Variants in CCR6 observed in about 807,000 individuals in gnomAD.
CCR6 encodes C-C chemokine receptor type 6.
CCR6 carries 2 observed loss-of-function variants against 3.0 expected under a neutral mutation model. The observed-to-expected ratio is 0.66, with a 90% CI of 0.27 to 2.07. The LOEUF (loss-of-function observed/expected upper bound fraction) is 2.07. Ranked by LOEUF, CCR6 falls within the 30% of genes most tolerant of loss-of-function variation. The pLI is 0.14. For synonymous variants in CCR6, 193 were observed against 184.3 expected, an observed-to-expected ratio of 1.05 and a Z score of -0.38; for missense variants, 322 against 462.8, an observed-to-expected ratio of 0.70 and a Z score of 2.79.
At position 167,136,825 on chromosome 6, in the gene CCR6, C is replaced by T. The variant is rs1781857178; in HGVS notation, c.595C>T (p.Pro199Ser). ...CACCCAAGGCAGCGATGTCTGTGAA[C>T]CCAAGTACCAGACTGTCTCGGAGCC... ...YNTQGSDVCE[P>S]KYQTVSEPIR... The change falls in exon 3 of 3, where the codon CCC becomes TCC. Residue 199 changes from proline to serine, a missense_variant. By Grantham distance (74) the Pro-to-Ser change is moderately conservative. Coordinates refer to ENST00000341935, the MANE Select transcript of CCR6 (RefSeq NM_031409.4). This position sits in a 1 kb window ranked among gnomAD's most constrained non-coding sequence, Gnocchi z 4.6. The T allele has an allele frequency of 1.2e-6, 2 of 1,614,000 alleles. No individual in the cohort carries two copies. Among genetic ancestry groups the T allele is most frequent in the Non-Finnish European group, 1.7e-6 (2 of 1,180,024 alleles).
Position 167,134,022 on chromosome 6 carries a change from G to C in CCR6, c.-97-2016G>C, listed in dbSNP as rs542045743. ...ATTGGTGTATTTTATTTTACATATT[G>C]TATATTTCACCTCCCATGCCCTCCA... On this transcript the variant is annotated intron_variant, in intron 1 of 2. Coordinates refer to ENST00000341935, the MANE Select transcript of CCR6 (RefSeq NM_031409.4). Among the ~76,000 whole-genome samples the C allele has an allele frequency of 2.1e-5, 3 of 141,536 alleles. No individual in the cohort carries two copies. The East Asian group carries it at 6.3e-4, about 30-fold the overall frequency. The allele number at this position is 141,536 out of a possible 152,430, so 92.9% of individuals were successfully genotyped here.
intron 1 of CCR6, among the ~76,000 whole-genome samples, chr6:167,114,652 G>A (rs949828453): frequency 1.3e-5 from 2 of 152,230 alleles, no homozygotes; most frequent in Non-Finnish European, 2.9e-5. Flanking sequence ...TGTGACGGCT[G>A]CTGTAACCAG....
At chr6:167,117,403 CTTTTTTTTTTTCTT>C (rs1416155032) in intron 1 of CCR6, among the ~76,000 whole-genome samples, 230 of 105,014 alleles carry the variant, frequency 2.2e-3, no homozygotes, top group African/African-American at 7.1e-3. Context: ...ACTCTATTTT[CTTTTTTTTTTTCTT>C]TTTTTTTTTT....
chr6:167,119,002 G>A (rs532884412), upstream of CCR6, among the ~76,000 whole-genome samples: 304 of 152,156 alleles, frequency 2.0e-3, 1 homozygote, highest in African/African-American at 7.0e-3. Flanking sequence ...GTCCCTCCAC[G>A]GCCCACAGAC....
At chr6:167,129,870 G>C (rs1225286214) in intron 1 of CCR6, among the ~76,000 whole-genome samples, 1 of 151,586 alleles carries the variant, frequency 6.6e-6, no homozygotes, top group African/African-American at 2.4e-5. Context: ...CACTTTACTT[G>C]AGGCAGCTGA....
At position 167,130,978 on chromosome 6, in the gene CCR6, C is replaced by T. The variant is rs1194747244; in HGVS notation, c.-97-5060C>T. ...CCGGGACTCCTCCCTCTGGGACCACCCTCCCTCTGGACCCCCTCCCTTTGG... is the reference window on the plus strand; with the variant it reads ...CCGGGACTCCTCCCTCTGGGACCACTCTCCCTCTGGACCCCCTCCCTTTGG... On this transcript the variant is annotated intron_variant, in intron 1 of 2. Coordinates refer to ENST00000341935, the MANE Select transcript of CCR6 (RefSeq NM_031409.4). Among the ~76,000 whole-genome samples the T allele has an allele frequency of 5.9e-4, 76 of 129,092 alleles. 2 individuals are homozygous for T. Among genetic ancestry groups the T allele is most frequent in the African/African-American group, 2.2e-3 (72 of 32,236 alleles). 84.7% of individuals were successfully genotyped at this position (129,092 alleles called of 152,430 possible).
intron 1 of CCR6, among the ~76,000 whole-genome samples, chr6:167,132,513 CTCTGTGTGTGTG>C (rs1361303322): frequency 6.6e-6 from 1 of 151,956 alleles, no homozygotes; most frequent in Admixed American, 6.6e-5. Context: ...CCAGTGGGAT[CTCTGTGTGTGTG>C]TCTGTGTGTG....
chr6:167,114,220 G>A (rs559797878), intron 1 of CCR6, among the ~76,000 whole-genome samples: 12 of 152,324 alleles, frequency 7.9e-5, no homozygotes, highest in Admixed American at 2.0e-4. Flanking sequence ...TCATGAGGAC[G>A]TCATCCTCCC....
At chr6:167,117,478 A>ACGATCT (rs1781516749) in intron 1 of CCR6, among the ~76,000 whole-genome samples, 1 of 131,648 alleles carries the variant, frequency 7.6e-6, no homozygotes, top group Admixed American at 9.1e-5. Flanking sequence ...GCGCAGTGGC[A>ACGATCT]CGATCTCGAC....
chr6:167,134,738 C>T (rs1282035725), intron 1 of CCR6, among the ~76,000 whole-genome samples: 4 of 152,134 alleles, frequency 2.6e-5, no homozygotes, highest in East Asian at 1.9e-4. Context: ...GCCAGGCCCA[C>T]GTGGTGCGAG....
chr6:167,115,875 C>T (rs1349634969), intron 1 of CCR6: 1 of 152,198 alleles, frequency 6.6e-6, no homozygotes, highest in East Asian at 1.9e-4. Flanking sequence ...GTCAGTTTCT[C>T]ACTTTTATTG....
chr6:167,138,304 AAT>A lies in CCR6; in HGVS notation c.*951_*952del, dbSNP rs1349867005. ...TGTTTTTAATTTTTTAAATAAATGG[AAT>A]ACTTTTTTTTTTTTTTTAAAGAAAG... On this transcript the variant is annotated 3_prime_UTR_variant, in exon 3 of 3. Coordinates refer to ENST00000341935, the MANE Select transcript of CCR6 (RefSeq NM_031409.4). 1 of 112,152 alleles carries A rather than the reference AAT, an allele frequency of 8.9e-6. No individual in the cohort carries two copies. The highest frequency in any genetic ancestry group is 1.8e-5 in the Non-Finnish European group (1 of 54,850). The allele number at this position is 112,152 out of a possible 1,614,324, so 6.9% of individuals were successfully genotyped here.
Position 167,136,202 on chromosome 6 carries a change from C to T in CCR6, c.10-38C>T. On this transcript the variant is annotated intron_variant, in intron 2 of 2. Transcript: ENST00000341935. This position sits in a 1 kb window ranked among gnomAD's most constrained non-coding sequence, Gnocchi z 4.6. Reference sequence around the variant, plus strand: ...TGGGTTCACTGTGGCTACTTGAACACTACACTGCAGCTAACTCTATCTTTG... The same window carrying T: ...TGGGTTCACTGTGGCTACTTGAACATTACACTGCAGCTAACTCTATCTTTG... 1.2e-6 allele frequency: 2 copies of T among 1,611,018 alleles called. No individual in the cohort carries two copies. The highest frequency in any genetic ancestry group is 3.4e-5 in the Admixed American group (2 of 59,628).
intron 1 of CCR6, among the ~76,000 whole-genome samples, chr6:167,117,617 G>A (rs527955549): frequency 2.0e-4 from 30 of 151,322 alleles, no homozygotes; most frequent in African/African-American, 6.3e-4. Context: ...GGGTTTCACC[G>A]TGTCAGCCAG....
At position 167,115,939 on chromosome 6, in the gene CCR6, A is replaced by C. The variant is rs1781486131; in HGVS notation, c.-98+3925A>C. 2.6e-5 allele frequency: 4 copies of C among 152,298 alleles called. No individual in the cohort carries two copies. The South Asian group carries it at 8.3e-4, about 32-fold the overall frequency. 9.4% of individuals were successfully genotyped at this position (152,298 alleles called of 1,614,324 possible). ...CTATAATGTCATGGTCAGGGTTGGA[A>C]GTTTAAATTTGAGACCTCAAAGAAG... On this transcript the variant is annotated intron_variant, in intron 1 of 2. Transcript: ENST00000400926.
Position 167,137,201 on chromosome 6 carries a change from G to C in CCR6, c.971G>C (p.Arg324Thr). 1 of 1,614,232 alleles carries C rather than the reference G, an allele frequency of 6.2e-7. No homozygotes were observed. Among genetic ancestry groups the C allele is most frequent in the South Asian group, 1.1e-5 (1 of 91,088 alleles). The part of the protein sequence containing the change: ...VLYAFIGQKF[R>T]NYFLKILKDL... Reference sequence around the variant, plus strand: ...TACGCTTTTATTGGGCAGAAGTTCAGAAACTACTTTCTGAAGATCTTGAAG... The same window carrying C: ...TACGCTTTTATTGGGCAGAAGTTCACAAACTACTTTCTGAAGATCTTGAAG... Residue 324 changes from arginine to threonine, a missense_variant, in exon 3 of 3, where the codon AGA becomes ACA. Coordinates refer to ENST00000341935, the MANE Select transcript of CCR6 (RefSeq NM_031409.4). This position sits in a 1 kb window ranked among gnomAD's most constrained non-coding sequence, Gnocchi z 4.6.
At position 167,136,479 on chromosome 6, in the gene CCR6, C is replaced by T; in HGVS notation, c.249C>T (p.Val83=). The change falls in exon 3 of 3, where the codon GTC becomes GTT. Residue 83 remains valine, a synonymous_variant. Coordinates refer to ENST00000341935, the MANE Select transcript of CCR6 (RefSeq NM_031409.4). This position sits in a 1 kb window ranked among gnomAD's most constrained non-coding sequence, Gnocchi z 4.6. ...FYKKARSMTD[V]YLLNMAIADI... ...AGAAGGCCAGGTCTATGACAGACGTCTATCTCTTGAACATGGCCATTGCAG... is the reference window on the plus strand; with the variant it reads ...AGAAGGCCAGGTCTATGACAGACGTTTATCTCTTGAACATGGCCATTGCAG... 6.3e-7 allele frequency: 1 copy of T among 1,598,206 alleles called. No homozygotes were observed. Among genetic ancestry groups the T allele is most frequent in the Non-Finnish European group, 8.5e-7 (1 of 1,171,936 alleles).
chr6:167,130,685 A>G (rs1232346858), intron 1 of CCR6, among the ~76,000 whole-genome samples: 4 of 151,880 alleles, frequency 2.6e-5, no homozygotes, highest in Admixed American at 1.3e-4. Flanking sequence ...AGTGACATTA[A>G]ATTTGTCATT....
At position 167,136,635 on chromosome 6, in the gene CCR6, C is replaced by G. The variant is rs934610897; in HGVS notation, c.405C>G (p.Leu135=). 1 of 1,613,908 alleles carries G rather than the reference C, an allele frequency of 6.2e-7. No individual in the cohort carries two copies. The highest frequency in any genetic ancestry group is 8.5e-7 in the Non-Finnish European group (1 of 1,180,004). The change falls in exon 3 of 3, where the codon CTC becomes CTG. Residue 135 remains leucine, a synonymous_variant. Transcript: ENST00000341935. This position sits in a 1 kb window ranked among gnomAD's most constrained non-coding sequence, Gnocchi z 4.6. ...TCAACTTTAACTGCGGGATGCTGCT[C>G]CTGACTTGCATTAGCATGGACCGGT... ...YAINFNCGML[L]LTCISMDRYI... is the part of the protein sequence containing the mutation.
Sources: allele counts gnomAD v4.1 joint callset (sites outside exome capture counted in the v4.1 genomes callset), GRCh38; gene constraint gnomAD v4.1.1; non-coding constraint Gnocchi (gnomAD v3.1); transcripts MANE v1.5; gene names NCBI Gene and HGNC (gene_info 2026-07-23, HGNC 2026-07-21).